The following FBN3 variants were observed in gnomAD, a reference collection of about 807,000 sequenced individuals.
FBN3 encodes fibrillin 3.
FBN3 carries 234 observed loss-of-function variants against 330.1 expected under a neutral mutation model. The observed-to-expected ratio is 0.71, with a 90% confidence interval of 0.64 to 0.79. The LOEUF is 0.79. FBN3 is among the 30% of genes least tolerant of loss of function. The pLI, the probability that FBN3 is intolerant of heterozygous loss-of-function variation, is 0.00. For synonymous variants in FBN3, 1,458 were observed against 1,517.3 expected, an observed-to-expected ratio of 0.96 and a Z score of 0.91; for missense variants, 3,606 against 3,886.9, an observed-to-expected ratio of 0.93 and a Z score of 1.92.
At chr19:8,115,706 AGGGT>A in intron 29 of FBN3, 66 bp from the exon 30 acceptor site, 1 of 1,567,596 alleles carries the variant, frequency 6.4e-7, no homozygotes, top group Non-Finnish European at 8.8e-7. Context: ...GAAGTAGGTG[AGGGT>A]GGGAGGGAGA....
chr19:8,088,602 G>T (rs192180171), intron 51 of FBN3, among the ~76,000 whole-genome samples: 26 of 152,214 alleles, frequency 1.7e-4, no homozygotes, highest in African/African-American at 6.0e-4. Flanking sequence ...TGAGTAAAGG[G>T]GTGAATGAGT....
Position 8,133,074 on chromosome 19 carries a change from C to A in FBN3, c.1624G>T (p.Val542Phe). ...HNECATSTMC[V>F]NGVCLNEDGS... ...TCCTCGTTGAGACACACGCCGTTGA[C>A]GCACATGGTGCTGGTGGCACACTCG... Residue 542 changes from valine to phenylalanine, a missense_variant, in exon 14 of 64, where the codon GTC becomes TTC. Val to Phe is a conservative substitution (Grantham distance 50, BLOSUM62 -1). Coordinates refer to ENST00000600128, the MANE Select transcript of FBN3 (RefSeq NM_032447.5). 6.3e-7 allele frequency: 1 copy of A among 1,584,142 alleles called. No individual in the cohort carries two copies. The highest frequency in any genetic ancestry group is 8.6e-7 in the Non-Finnish European group (1 of 1,166,314).
intron 62 of FBN3, among the ~76,000 whole-genome samples, chr19:8,072,539 T>A (rs899717756): frequency 8.5e-5 from 13 of 152,074 alleles, no homozygotes; most frequent in African/African-American, 3.1e-4. Context: ...CAGGCACATG[T>A]GTGCTCGTAG....
chr19:8,106,171 C>T lies in FBN3; in HGVS notation c.4750G>A (p.Gly1584Ser), dbSNP rs757604392. ...GGTGGGCACTCACACTGGAAACTGC[C>T]AAACGTGTTGACGCAGTCACCCCCC... ...CQGGDCVNTF[G>S]SFQCECPPGY... The change falls in exon 38 of 64, where the codon GGC becomes AGC. Residue 1584 changes from glycine (G) to serine (S), a missense_variant. Physicochemically the swap from Gly to Ser is moderately conservative, Grantham distance 56 (BLOSUM62 0). Coordinates refer to ENST00000600128, the MANE Select transcript of FBN3 (RefSeq NM_032447.5). 4 of 1,614,170 alleles carry T rather than the reference C, an allele frequency of 2.5e-6. No homozygotes were observed. Among genetic ancestry groups the T allele is most frequent in the East Asian group, 4.5e-5 (2 of 44,884 alleles).
At chr19:8,147,732 CG>C (rs2083585932) in intron 1 of FBN3, 1 of 377,624 alleles carries the variant, frequency 2.6e-6, no homozygotes, top group African/African-American at 2.1e-5. Flanking sequence ...CAAGGCAAGA[CG>C]GGAGTGGGAA....
intron 47 of FBN3, among the ~76,000 whole-genome samples, chr19:8,092,290 A>G (rs1224238806): frequency 6.6e-6 from 1 of 152,148 alleles, no homozygotes; most frequent in Non-Finnish European, 1.5e-5. Flanking sequence ...ACACACGCAC[A>G]TGCATGTTTA....
At chr19:8,070,978 C>G (rs1007188176) in intron 63 of FBN3, among the ~76,000 whole-genome samples, 6 of 149,840 alleles carry the variant, frequency 4.0e-5, no homozygotes, top group African/African-American at 1.5e-4. Context: ...GCCGAGATCA[C>G]GCCATTGCAT....
chr19:8,071,939 C>G, intron 63 of FBN3, 109 bp downstream of exon 63: 1 of 1,129,960 alleles, frequency 8.8e-7, no homozygotes, highest in Admixed American at 2.3e-5. Flanking sequence ...GGATCTGGAG[C>G]CTGGTGCTCC....
rs1274073632 is a variant in FBN3 at position 8,127,070 on chromosome 19, T to TG, written c.2297-239_2297-238insC. 4.7e-5 allele frequency among the ~76,000 whole-genome samples: 7 copies of TG among 149,162 alleles called. No homozygotes were observed. The East Asian group carries it at 5.9e-4, about 13-fold the overall frequency. ...ACTGTTTTTTTTTTGTTTTTTTTTT[T>TG]TTTTTGAGACAGAGTCTCGCTCTGT... On this transcript the variant is annotated intron_variant, in intron 18 of 63. Coordinates refer to ENST00000600128, the MANE Select transcript of FBN3 (RefSeq NM_032447.5).
intron 32 of FBN3, among the ~76,000 whole-genome samples, 160 bp downstream of exon 32, chr19:8,111,488 G>A (rs944815578): frequency 6.6e-6 from 1 of 152,090 alleles, no homozygotes; most frequent in Non-Finnish European, 1.5e-5. Flanking sequence ...TGGGCAGGCC[G>A]CAGCACCGCC....
At chr19:8,084,531 T>C (rs968471170) in intron 56 of FBN3, among the ~76,000 whole-genome samples, 6 of 151,964 alleles carry the variant, frequency 3.9e-5, no homozygotes, top group African/African-American at 1.4e-4. Flanking sequence ...AGCCAGCCTC[T>C]CCCACGGCCC....
chr19:8,123,890 C>A lies in FBN3; in HGVS notation c.2850G>T (p.Glu950Asp). The change falls in exon 23 of 64, where the codon GAG (glutamate) becomes GAT (aspartate). Residue 950 changes from glutamate (E) to aspartate (D), a missense_variant. Transcript: ENST00000600128. ...ACTCGGGATCCGGGCAGGCCTCGCACTCGACTCCCCACACGGCCCCGATGG... is the reference window on the plus strand; with the variant it reads ...ACTCGGGATCCGGGCAGGCCTCGCAATCGACTCCCCACACGGCCCCGATGG... ...CCSIGAVWGV[E>D]CEACPDPESL... is the part of the protein sequence containing the mutation. The A allele has an allele frequency of 1.2e-6, 2 of 1,613,882 alleles. No individual in the cohort carries two copies. Among genetic ancestry groups the A allele is most frequent in the South Asian group, 1.1e-5 (1 of 91,084 alleles).
intron 59 of FBN3, among the ~76,000 whole-genome samples, chr19:8,077,648 A>G (rs2081672306): frequency 6.6e-6 from 1 of 152,042 alleles, no homozygotes. Context: ...CAAAAAACAA[A>G]AACGAGCAAA....
chr19:8,075,726 G>A (rs1369480669), intron 59 of FBN3, among the ~76,000 whole-genome samples: 1 of 152,194 alleles, frequency 6.6e-6, no homozygotes, highest in Non-Finnish European at 1.5e-5. Context: ...TTGCATTTTT[G>A]TGTGCATGCG....
chr19:8,091,025 C>T (rs757183720), intron 48 of FBN3, among the ~76,000 whole-genome samples: 25 of 152,140 alleles, frequency 1.6e-4, no homozygotes, highest in East Asian at 3.9e-4. Flanking sequence ...AGCAAATATT[C>T]GCTGAGGTGA....
At chr19:8,092,707 CAAAAAAAAAAA>C (rs33973797) in intron 47 of FBN3, among the ~76,000 whole-genome samples, 11 of 70,156 alleles carry the variant, frequency 1.6e-4, no homozygotes, top group African/African-American at 4.0e-4. Flanking sequence ...GAGACTCCAC[CAAAAAAAAAAA>C]AAAAAAAAAA....
intron 49 of FBN3, 27 bp downstream of exon 49, chr19:8,090,072 G>A (rs774115282): frequency 6.2e-7 from 1 of 1,610,218 alleles, no homozygotes; most frequent in Non-Finnish European, 8.5e-7. Flanking sequence ...CATCATCCAG[G>A]GAGCCTGGAC....
chr19:8,115,564 G>C lies in FBN3; in HGVS notation c.3789C>G (p.Cys1263Trp). The C allele has an allele frequency of 6.2e-7, 1 of 1,614,096 alleles. No homozygotes were observed. The highest frequency in any genetic ancestry group is 8.5e-7 in the Non-Finnish European group (1 of 1,180,028). The change falls in exon 30 of 64, where the codon TGC becomes TGG. Residue 1263 changes from cysteine to tryptophan, a missense_variant. Coordinates refer to ENST00000600128, the MANE Select transcript of FBN3 (RefSeq NM_032447.5). Reference sequence around the variant, plus strand: ...TGACCATGTAGCCCAGCTGACAGTGGCAGACAAAGGAACCCTTCGTGTTCT... The same window carrying C: ...TGACCATGTAGCCCAGCTGACAGTGCCAGACAAAGGAACCCTTCGTGTTCT... ...DCENTKGSFV[C>W]HCQLGYMVRK...
At chr19:8,088,718 C>G (rs567144681) in intron 51 of FBN3, among the ~76,000 whole-genome samples, 6 of 151,876 alleles carry the variant, frequency 4.0e-5, no homozygotes, top group Non-Finnish European at 7.4e-5. Flanking sequence ...TGAGTGAAAG[C>G]ATGAATGAAT....
Sources: gnomAD v4.1 joint callset for allele counts (sites outside exome capture counted in the v4.1 genomes callset) on GRCh38, gnomAD v4.1.1 for gene constraint, MANE v1.5 for transcripts, NCBI Gene and HGNC (gene_info 2026-07-23, HGNC 2026-07-21) for gene names.